Variants in NPAS3 observed in about 807,000 individuals in gnomAD.
NPAS3 encodes neuronal PAS domain protein 3.
NPAS3 carries 14 observed loss-of-function variants against 73.1 expected under a neutral mutation model. That is an observed-to-expected ratio of 0.19 (90% CI 0.13 to 0.30). The LOEUF (loss-of-function observed/expected upper bound fraction) is 0.30, where lower values mean the gene tolerates loss of function less well. Ranked by LOEUF, NPAS3 falls within the 10% of genes least tolerant of loss-of-function variation. The pLI is 1.00. For synonymous variants in NPAS3, 620 were observed against 541.5 expected (o/e 1.14, Z -2.01); for missense variants, 1,096 against 1,250.0 (o/e 0.88, Z 1.86).
At chr14:33,006,160 A>G (rs186064794) in intron 1 of NPAS3, among the ~76,000 whole-genome samples, 1 of 152,296 alleles carries the variant, frequency 6.6e-6, no homozygotes, top group Non-Finnish European at 1.5e-5. Flanking sequence ...TTCTCCCTTC[A>G]GAACATTCCT....
intron 1 of NPAS3, among the ~76,000 whole-genome samples, chr14:33,010,938 CAA>C (rs77196350): frequency 5.1e-4 from 61 of 120,300 alleles, no homozygotes; most frequent in Non-Finnish European, 7.9e-4. Flanking sequence ...GAACCTGTCT[CAA>C]AAAAAAAAAA....
chr14:33,688,728 G>C (rs1333300381), intron 6 of NPAS3, among the ~76,000 whole-genome samples: 2 of 152,160 alleles, frequency 1.3e-5, no homozygotes, highest in Non-Finnish European at 2.9e-5. Context: ...GCAGCCCTAG[G>C]CTTTGATCTG....
chr14:33,318,159 G>A lies in NPAS3; in HGVS notation c.386-49027G>A, dbSNP rs533972984. On this transcript the variant is annotated intron_variant, in intron 3 of 11. Coordinates refer to ENST00000356141, the Ensembl canonical transcript of NPAS3. ...TATACGTACAAGGGAATATTATTCA[G>A]CCTTAAAAAGGAAGGAAATTCTGAC... is the stretch of plus-strand genomic sequence containing the variant. 3.3e-5 allele frequency among the ~76,000 whole-genome samples: 5 copies of A among 152,204 alleles called. No individual in the cohort carries two copies. In the South Asian group the frequency reaches 6.2e-4, roughly 19 times the overall value.
chr14:33,147,728 AAAATAT>A (rs1277712594), intron 2 of NPAS3, among the ~76,000 whole-genome samples: 1 of 65,248 alleles, frequency 1.5e-5, no homozygotes, highest in East Asian at 2.7e-4. Flanking sequence ...AGTAGAATAA[AAAATAT>A]ATATATATAT....
chr14:33,758,506 A>G (rs564335573), intron 7 of NPAS3, among the ~76,000 whole-genome samples: 4 of 152,336 alleles, frequency 2.6e-5, no homozygotes, highest in African/African-American at 9.6e-5. Context: ...ACTCCTATTA[A>G]GATTTTAAAT....
intron 1 of NPAS3, among the ~76,000 whole-genome samples, chr14:33,029,296 TA>T (rs1476901370): frequency 6.6e-6 from 1 of 152,200 alleles, no homozygotes; most frequent in Admixed American, 6.5e-5. Context: ...GTCAGTTTCT[TA>T]GAATAATATC....
At chr14:33,169,941 A>G (rs960238848) in intron 2 of NPAS3, among the ~76,000 whole-genome samples, 9 of 152,214 alleles carry the variant, frequency 5.9e-5, no homozygotes, top group African/African-American at 1.9e-4. Flanking sequence ...ATCAGTGAAA[A>G]GTGACCTAGT....
intron 4 of NPAS3, among the ~76,000 whole-genome samples, chr14:33,381,064 A>G (rs1328898511): frequency 6.6e-6 from 1 of 152,114 alleles, no homozygotes; most frequent in African/African-American, 2.4e-5. Flanking sequence ...AAATGATAAT[A>G]TCAATGACTA....
chr14:33,217,719 TA>T (rs1202790506), intron 3 of NPAS3, among the ~76,000 whole-genome samples: 14 of 152,224 alleles, frequency 9.2e-5, no homozygotes, highest in African/African-American at 3.4e-4. Context: ...TAGTCCAGCT[TA>T]CTTCCAGAAT....
chr14:33,287,412 A>G (rs2041921000), intron 3 of NPAS3, among the ~76,000 whole-genome samples: 1 of 151,572 alleles, frequency 6.6e-6, no homozygotes, highest in Admixed American at 6.6e-5. Context: ...AGGTCCTGGG[A>G]AGGTGGGGGT....
chr14:33,008,583 A>G (rs1330589086), intron 1 of NPAS3, among the ~76,000 whole-genome samples: 2 of 152,202 alleles, frequency 1.3e-5, no homozygotes, highest in Non-Finnish European at 2.9e-5. Flanking sequence ...AGACATTTAC[A>G]TTCTGAAGAG....
chr14:33,265,265 A>G (rs535086922), intron 3 of NPAS3, among the ~76,000 whole-genome samples: 8 of 152,224 alleles, frequency 5.3e-5, no homozygotes, highest in Admixed American at 1.3e-4. Flanking sequence ...CTGTCACTGA[A>G]CTCTGCTCTC....
chr14:33,740,834 T>C (rs2061638005), intron 7 of NPAS3, among the ~76,000 whole-genome samples: 1 of 152,176 alleles, frequency 6.6e-6, no homozygotes, highest in Admixed American at 6.5e-5. Flanking sequence ...CGATAATTTT[T>C]TTTTCTGAAT....
At chr14:33,742,662 A>G (rs117994029) in intron 7 of NPAS3, among the ~76,000 whole-genome samples, 4,347 of 152,326 alleles carry the variant, frequency 0.029, 68 homozygotes, top group Middle Eastern at 0.048. Flanking sequence ...TAAATAAGAC[A>G]ACAATGAAGT....
chr14:33,085,462 T>G (rs897100841), intron 2 of NPAS3, among the ~76,000 whole-genome samples: 14 of 152,220 alleles, frequency 9.2e-5, no homozygotes, highest in Admixed American at 8.5e-4. Context: ...TCATTGGTCA[T>G]TCTTAGAAAA....
chr14:33,421,223 A>G (rs1217395829), intron 4 of NPAS3, among the ~76,000 whole-genome samples: 2 of 149,764 alleles, frequency 1.3e-5, no homozygotes, highest in Non-Finnish European at 3.0e-5. Flanking sequence ...GTGACTTATC[A>G]TTGTTGTCTT....
intron 2 of NPAS3, among the ~76,000 whole-genome samples, chr14:33,125,782 T>C (rs1231567383): frequency 6.6e-6 from 1 of 152,138 alleles, no homozygotes; most frequent in East Asian, 1.9e-4. Context: ...CAAAAATCTT[T>C]AAACCATACA....
chr14:33,638,283 A>G lies in NPAS3; in HGVS notation c.559-37928A>G, dbSNP rs187890516. Among the ~76,000 whole-genome samples the G allele has an allele frequency of 5.4e-4, 82 of 152,348 alleles. 1 individual carries two copies. Among genetic ancestry groups the G allele is most frequent in the African/African-American group, 1.9e-3 (77 of 41,592 alleles). On this transcript the variant is annotated intron_variant, in intron 5 of 11. Coordinates refer to ENST00000356141, the Ensembl canonical transcript of NPAS3. ...ATTTTATACTCATAATCTTATGGATATAATGGGCTGCTGGTCCTCCATCTG... is the reference window on the plus strand; with the variant it reads ...ATTTTATACTCATAATCTTATGGATGTAATGGGCTGCTGGTCCTCCATCTG...
At chr14:32,935,865 C>T (rs1328092518), upstream of NPAS3, among the ~76,000 whole-genome samples, 1 of 152,108 alleles carries the variant, frequency 6.6e-6, no homozygotes, top group African/African-American at 2.4e-5. Context: ...CGAAAATGCG[C>T]TGAGAAAAAC....
Sources: allele counts gnomAD v4.1 joint callset (sites outside exome capture counted in the v4.1 genomes callset), GRCh38; gene constraint gnomAD v4.1.1; transcripts MANE v1.5; gene names NCBI Gene and HGNC (gene_info 2026-07-23, HGNC 2026-07-21).